Variants in SAMD10 observed in about 807,000 individuals in gnomAD.
SAMD10 encodes the protein sterile alpha motif domain-containing protein 10.
In SAMD10, 16 loss-of-function variants were observed where a neutral mutation model predicts 22.5. That is an observed-to-expected ratio of 0.71 (90% CI 0.48 to 1.08). SAMD10 has a LOEUF of 1.08. Among genes scored for constraint, SAMD10 ranks in the 50% least tolerant of loss-of-function variants. SAMD10 has a pLI of 0.00. For missense variants in SAMD10, 227 were observed against 281.3 expected (o/e 0.81, Z 1.38); for synonymous variants, 118 against 122.2 (o/e 0.97, Z 0.23).
Position 63,979,087 on chromosome 20 carries a change from T to A in SAMD10, c.91+290A>T, listed in dbSNP as rs2122945869. Among the ~76,000 whole-genome samples, 1 of 152,194 alleles carries A rather than the reference T, an allele frequency of 6.6e-6. No homozygotes were observed. The highest frequency in any genetic ancestry group is 2.1e-4 in the South Asian group (1 of 4,810). The stretch of plus-strand genomic sequence containing the variant: ...CCCACTGCAAAAGCGGGGGAGGGTT[T>A]TCCCCGTGCGCAGGAAAAGGTGACC... On this transcript the variant is annotated intron_variant, in intron 1 of 4. Transcript: ENST00000369886. The surrounding 1 kb of genome is among the most constrained non-coding windows in gnomAD (Gnocchi z 7.7).
chr20:63,979,302 G>A lies in SAMD10; in HGVS notation c.91+75C>T, dbSNP rs1197245229. The stretch of plus-strand genomic sequence containing the variant: ...CGCCGCTCGAAGCCCGCCGGGTCCC[G>A]CCCCGCCCCCGTGCCTCTGGGTCCC... On this transcript the variant is annotated intron_variant, in intron 1 of 4. Coordinates refer to ENST00000369886, the MANE Select transcript of SAMD10 (RefSeq NM_080621.5). The surrounding 1 kb of genome is among the most constrained non-coding windows in gnomAD (Gnocchi z 7.7). The A allele has an allele frequency of 4.5e-6, 4 of 883,628 alleles. No individual in the cohort carries two copies. The highest frequency in any genetic ancestry group is 8.8e-5 in the Admixed American group (2 of 22,762). 54.7% of individuals were successfully genotyped at this position (883,628 alleles called of 1,614,324 possible). A position where few individuals can be genotyped will look rare whatever the true frequency, so the allele number is the denominator to read the frequency against.
At position 63,979,135 on chromosome 20, in the gene SAMD10, A is replaced by T. The variant is rs2059044980; in HGVS notation, c.91+242T>A. On this transcript the variant is annotated intron_variant, in intron 1 of 4. Transcript: ENST00000369886. This position sits in a 1 kb window ranked among gnomAD's most constrained non-coding sequence, Gnocchi z 7.7. ...ACCCGAGCGTAGTGCCAGCCTGGAC[A>T]CAGGCGCCCCGGCTTGACACCCCCT... 6.6e-6 allele frequency among the ~76,000 whole-genome samples: 1 copy of T among 152,100 alleles called. No homozygotes were observed. Among genetic ancestry groups the T allele is most frequent in the Non-Finnish European group, 1.5e-5 (1 of 68,002 alleles).
intron 1 of SAMD10, chr20:63,978,361 C>T (rs910961417): frequency 6.3e-6 from 8 of 1,260,882 alleles, no homozygotes; most frequent in Non-Finnish European, 8.4e-6. Context: ...GTGAACAGAG[C>T]CTGTGGGGAG....
chr20:63,979,276 C>A lies in SAMD10; in HGVS notation c.91+101G>T. The A allele has an allele frequency of 1.2e-6, 1 of 858,478 alleles. No homozygotes were observed. Among genetic ancestry groups the A allele is most frequent in the Non-Finnish European group, 1.6e-6 (1 of 610,142 alleles). 53.2% of individuals were successfully genotyped at this position (858,478 alleles called of 1,614,324 possible). ...GACATCCGCCGAATACCCCCAGCCA[C>A]CGCCGCTCGAAGCCCGCCGGGTCCC... is the stretch of plus-strand genomic sequence containing the variant. On this transcript the variant is annotated intron_variant, in intron 1 of 4. Coordinates refer to ENST00000369886, the MANE Select transcript of SAMD10 (RefSeq NM_080621.5). This position sits in a 1 kb window ranked among gnomAD's most constrained non-coding sequence, Gnocchi z 7.7.
At chr20:63,978,544 AT>A (rs1428805671) in intron 1 of SAMD10, among the ~76,000 whole-genome samples, 1 of 152,072 alleles carries the variant, frequency 6.6e-6, no homozygotes, top group African/African-American at 2.4e-5. Context: ...GGGGTTGGGG[AT>A]GTGTCTAGGA....
At chr20:63,975,567 T>A in intron 4 of SAMD10, 35 bp from the exon 5 acceptor site, 4 of 1,599,058 alleles carry the variant, frequency 2.5e-6, no homozygotes, top group Non-Finnish European at 3.4e-6. Context: ...TGGGGTGGGG[T>A]CTTTGGCATC....
Position 63,977,439 on chromosome 20 carries a change from A to C in SAMD10, c.92-33T>G. ...TGGGGGTGCCTGGTCAGGGCAGTCA[A>C]GGGCAGAACCAGAGGCTTCCTCTAC... On this transcript the variant is annotated intron_variant, in intron 1 of 4. Transcript: ENST00000369886. This position sits in a 1 kb window ranked among gnomAD's most constrained non-coding sequence, Gnocchi z 5.4. The C allele has an allele frequency of 6.2e-7, 1 of 1,606,096 alleles. No homozygotes were observed. The highest frequency in any genetic ancestry group is 8.5e-7 in the Non-Finnish European group (1 of 1,175,232).
chr20:63,978,885 C>G (rs73316625), intron 1 of SAMD10, among the ~76,000 whole-genome samples: 2 of 152,206 alleles, frequency 1.3e-5, no homozygotes, highest in Non-Finnish European at 2.9e-5. Flanking sequence ...ACTCCTCAGC[C>G]CGCACGGCAC....
chr20:63,979,729 C>A (rs1039581677), upstream of SAMD10: 1 of 972,594 alleles, frequency 1.0e-6, no homozygotes, highest in Non-Finnish European at 1.2e-6. This position sits in a 1 kb window ranked among gnomAD's most constrained non-coding sequence, Gnocchi z 7.7. Context: ...GAGGGGCGTC[C>A]GTGCGCCCCT....
In SAMD10 at chr20:63,975,480, C is replaced by G; in HGVS notation, c.*30G>C. 6.2e-7 allele frequency: 1 copy of G among 1,612,228 alleles called. No homozygotes were observed. The highest frequency in any genetic ancestry group is 1.3e-5 in the African/African-American group (1 of 74,906). On this transcript the variant is annotated 3_prime_UTR_variant, in exon 5 of 5. Coordinates refer to ENST00000369886, the MANE Select transcript of SAMD10 (RefSeq NM_080621.5). The stretch of plus-strand genomic sequence containing the variant: ...CTAGCCGTGGACTCCCATCACAGTG[C>G]TGGGGTCTGGGTTCAAGCCTCAGCA...
At chr20:63,978,013 A>C (rs2059037060) in intron 1 of SAMD10, among the ~76,000 whole-genome samples, 1 of 152,208 alleles carries the variant, frequency 6.6e-6, no homozygotes, top group Non-Finnish European at 1.5e-5. Flanking sequence ...TCACTCCGCA[A>C]ACACGCGCTG....
intron 3 of SAMD10, among the ~76,000 whole-genome samples, chr20:63,976,677 G>A (rs1489790085): frequency 7.1e-6 from 1 of 140,306 alleles, no homozygotes; most frequent in African/African-American, 2.6e-5. Context: ...CAGGAGGATT[G>A]CTTGAACCTG....
upstream of SAMD10, chr20:63,979,725 C>T: frequency 1.0e-6 from 1 of 975,076 alleles, no homozygotes; most frequent in South Asian, 4.7e-5. The surrounding 1 kb of genome is among the most constrained non-coding windows in gnomAD (Gnocchi z 7.7). Flanking sequence ...GGGCGAGGGG[C>T]GTCCGTGCGC....
In SAMD10 at chr20:63,977,599, G is replaced by A. The variant is rs2059034199; in HGVS notation, c.92-193C>T. 6.6e-6 allele frequency among the ~76,000 whole-genome samples: 1 copy of A among 152,238 alleles called. No individual in the cohort carries two copies. The highest frequency in any genetic ancestry group is 6.5e-5 in the Admixed American group (1 of 15,286). On this transcript the variant is annotated intron_variant, in intron 1 of 4. Coordinates refer to ENST00000369886, the MANE Select transcript of SAMD10 (RefSeq NM_080621.5). The surrounding 1 kb of genome is among the most constrained non-coding windows in gnomAD (Gnocchi z 5.4). ...TCGAGGACCTCACCCAGCACAAAAA[G>A]AGAAGAACTGGAAACACCTTTCATC...
Position 63,976,985 on chromosome 20 carries a change from T to C in SAMD10, c.431A>G (p.Gln144Arg), listed in dbSNP as rs781485817. ...CGCCACTGTACCGGTGATGGCATGCTGGGAGAAGGCCTCCACGTAGACGAG... is the reference window on the plus strand; with the variant it reads ...CGCCACTGTACCGGTGATGGCATGCCGGGAGAAGGCCTCCACGTAGACGAG... Reference protein sequence around the residue: ...NYLVYVEAFSQHAITGRALLR... With the variant: ...NYLVYVEAFSRHAITGRALLR... The change falls in exon 3 of 5, where the codon CAG becomes CGG. Residue 144 changes from glutamine to arginine, a missense_variant. Coordinates refer to ENST00000369886, the MANE Select transcript of SAMD10 (RefSeq NM_080621.5). 1 of 1,614,038 alleles carries C rather than the reference T, an allele frequency of 6.2e-7. No individual in the cohort carries two copies. Among genetic ancestry groups the C allele is most frequent in the Non-Finnish European group, 8.5e-7 (1 of 1,179,988 alleles).
intron 1 of SAMD10, chr20:63,978,232 G>A: frequency 3.0e-6 from 3 of 993,636 alleles, no homozygotes; most frequent in Non-Finnish European, 4.2e-6. Context: ...TCATCTCTGG[G>A]GGCACTGCTG....
Position 63,975,801 on chromosome 20 carries a change from C to T in SAMD10, c.477G>A (p.Lys159=). The T allele has an allele frequency of 1.2e-6, 2 of 1,603,724 alleles. No homozygotes were observed. The highest frequency in any genetic ancestry group is 1.7e-6 in the Non-Finnish European group (2 of 1,178,710). ...CCTGGGCCAGCCCCATCCGCTGCAG[C>T]TTCTCCGCATTCAGCCGCAGCAGTG... ...GRALLRLNAE[K]LQRMGLAQEA... The change falls in exon 4 of 5, where the codon AAG becomes AAA. Residue 159 remains lysine, a synonymous_variant. Coordinates refer to ENST00000369886, the MANE Select transcript of SAMD10 (RefSeq NM_080621.5).
Position 63,975,425 on chromosome 20 carries a change from A to G in SAMD10, c.*85T>C, listed in dbSNP as rs1446189259. 19 of 1,554,406 alleles carry G rather than the reference A, an allele frequency of 1.2e-5. 1 individual carries two copies. The East Asian group carries it at 3.8e-4, about 31-fold the overall frequency. On this transcript the variant is annotated 3_prime_UTR_variant, in exon 5 of 5. Coordinates refer to ENST00000369886, the MANE Select transcript of SAMD10 (RefSeq NM_080621.5). ...GCCCCGGCATCCCGCAGGGTCCAAG[A>G]GGCGCTGCGGGGCCAGCTTGGCCTC...
rs1601499882 is a variant in SAMD10, at chr20:63,977,491, C to CGAGA, written c.92-86_92-85insTCTC. On this transcript the variant is annotated intron_variant, in intron 1 of 4. Coordinates refer to ENST00000369886, the MANE Select transcript of SAMD10 (RefSeq NM_080621.5). The surrounding 1 kb of genome is among the most constrained non-coding windows in gnomAD (Gnocchi z 5.4). ...TGAGAGCTAGCTCCCTGCCCCATCT[C>CGAGA]CTCCACACTAGTGCGGGAAATCACC... is the stretch of plus-strand genomic sequence containing the variant. 7.3e-7 allele frequency: 1 copy of CGAGA among 1,374,984 alleles called. No individual in the cohort carries two copies. The highest frequency in any genetic ancestry group is 2.4e-5 in the East Asian group (1 of 41,600). 85.2% of individuals were successfully genotyped at this position (1,374,984 alleles called of 1,614,324 possible). A position where few individuals can be genotyped will look rare whatever the true frequency, so the allele number is the denominator to read the frequency against.
Sources: gnomAD v4.1 joint callset for allele counts (sites outside exome capture counted in the v4.1 genomes callset) on GRCh38, gnomAD v4.1.1 for gene constraint, Gnocchi (gnomAD v3.1) non-coding constraint, MANE v1.5 for transcripts, NCBI Gene and HGNC (gene_info 2026-07-23, HGNC 2026-07-21) for gene names.